Variants in LRP5 observed in about 807,000 individuals in gnomAD.
LRP5 encodes LDL receptor related protein 5, also known as low-density lipoprotein receptor-related protein 5.
A neutral mutation model predicts 154.1 loss-of-function variants in LRP5; 62 were observed. The observed-to-expected ratio is 0.40, with a 90% CI of 0.33 to 0.50. The LOEUF (loss-of-function observed/expected upper bound fraction) is 0.50, where lower values mean the gene tolerates loss of function less well. Ranked by LOEUF, LRP5 falls within the 20% of genes least tolerant of loss-of-function variation. The pLI is 0.55. For missense variants in LRP5, 1,915 were observed against 2,336.7 expected, an observed-to-expected ratio of 0.82 and a Z score of 3.72; for synonymous variants, 966 against 1,011.5, an observed-to-expected ratio of 0.96 and a Z score of 0.85.
intron 7 of LRP5, among the ~76,000 whole-genome samples, chr11:68,390,832 TCGTCCTGTGG>T (rs1369821624): frequency 7.3e-6 from 1 of 137,260 alleles, no homozygotes; most frequent in African/African-American, 2.8e-5. Context: ...TTCAGTGGCC[TCGTCCTGTGG>T]ACGCAGCCTC....
chr11:68,389,258 A>C (rs1281102040), intron 6 of LRP5, among the ~76,000 whole-genome samples: 1 of 33,184 alleles, frequency 3.0e-5, no homozygotes, highest in Non-Finnish European at 6.7e-5. Flanking sequence ...CAACACCGAC[A>C]TTTACCAACA....
intron 1 of LRP5, among the ~76,000 whole-genome samples, chr11:68,319,287 C>T (rs1358815799): frequency 6.6e-6 from 1 of 152,014 alleles, no homozygotes; most frequent in Non-Finnish European, 1.5e-5. Context: ...AGGCTGGTCT[C>T]GAACTCCTGA....
chr11:68,407,682 A>C (rs532351018), intron 9 of LRP5, among the ~76,000 whole-genome samples: 997 of 75,422 alleles, frequency 0.013, 6 homozygotes, highest in Non-Finnish European at 0.019. Context: ...CTCTACTAAA[A>C]ATACAAAAAA....
intron 2 of LRP5, among the ~76,000 whole-genome samples, chr11:68,350,580 T>C (rs1365050467): frequency 6.6e-6 from 1 of 152,244 alleles, no homozygotes; most frequent in African/African-American, 2.4e-5. Flanking sequence ...TGGTGCCGGC[T>C]GCAGGAGCCG....
chr11:68,320,854 G>A (rs2098596349), intron 1 of LRP5, among the ~76,000 whole-genome samples: 2 of 152,096 alleles, frequency 1.3e-5, no homozygotes, highest in South Asian at 4.1e-4. Flanking sequence ...CTGCTGGTCT[G>A]TAGCTAGTCC....
At chr11:68,329,701 G>A (rs1329265362) in intron 1 of LRP5, among the ~76,000 whole-genome samples, 4 of 152,228 alleles carry the variant, frequency 2.6e-5, no homozygotes, top group Middle Eastern at 3.4e-3. Context: ...TGACCCTGGG[G>A]GAGAGCTACT....
intron 1 of LRP5, among the ~76,000 whole-genome samples, chr11:68,345,986 TC>T (rs2098612592): frequency 6.6e-6 from 1 of 152,246 alleles, no homozygotes; most frequent in African/African-American, 2.4e-5. Context: ...AAATGTCTGT[TC>T]AAGTTGTTTG....
Position 68,406,589 on chromosome 11 carries a change from A to T in LRP5, c.1867A>T (p.Thr623Ser), listed in dbSNP as rs768712336. 2 of 1,614,094 alleles carry T rather than the reference A, an allele frequency of 1.2e-6. No individual in the cohort carries two copies. The highest frequency in any genetic ancestry group is 2.2e-5 in the South Asian group (2 of 91,082). The change falls in exon 9 of 23, where the codon ACC becomes TCC. Residue 623 changes from threonine to serine, a missense_variant. By Grantham distance (58) the Thr-to-Ser change is moderately conservative (BLOSUM62 1). Transcript: ENST00000294304. ...SHLCFFTPHA[T>S]RCGCPIGLEL... ...CCTGTGCTTCTTCACACCCCACGCA[A>T]CCCGGTGTGGCTGCCCCATCGGCCT... is the stretch of plus-strand genomic sequence containing the variant.
chr11:68,323,306 A>G (rs2098597805), intron 1 of LRP5, among the ~76,000 whole-genome samples: 1 of 151,508 alleles, frequency 6.6e-6, no homozygotes, highest in Non-Finnish European at 1.5e-5. Context: ...ATGGAGTTTC[A>G]CCATGTTGGC....
rs1161126346 is a variant in LRP5, at chr11:68,417,449, CTTTTTTTTTTTTTT to C, written c.3027+939_3027+952del. ...ACATCATTGCATTGGAACAGATTGG[CTTTTTTTTTTTTTT>C]TTTTTTTTTTTTTTTTGAGATGGAG... On this transcript the variant is annotated intron_variant, in intron 13 of 22. Coordinates refer to ENST00000294304, the MANE Select transcript of LRP5 (RefSeq NM_002335.4). Among the ~76,000 whole-genome samples, 15 of 41,604 alleles carry C rather than the reference CTTTTTTTTTTTTTT, an allele frequency of 3.6e-4. No individual in the cohort carries two copies. The East Asian group carries it at 7.8e-3, about 22-fold the overall frequency. 27.3% of individuals were successfully genotyped at this position (41,604 alleles called of 152,430 possible).
intron 5 of LRP5, among the ~76,000 whole-genome samples, chr11:68,373,382 T>C (rs545952935): frequency 7.0e-6 from 1 of 143,294 alleles, no homozygotes; most frequent in South Asian, 2.1e-4. Context: ...TAGGGATGCG[T>C]TGGTGGCGGG....
intron 20 of LRP5, 120 bp downstream of exon 20, chr11:68,438,802 A>G (rs892535946): frequency 1.5e-5 from 12 of 825,772 alleles, no homozygotes; most frequent in Non-Finnish European, 1.7e-5. Flanking sequence ...AGACATTGCT[A>G]ATCGATCACA....
chr11:68,437,118 C>A, intron 19 of LRP5, 119 bp downstream of exon 19: 1 of 830,244 alleles, frequency 1.2e-6, no homozygotes, highest in Non-Finnish European at 2.0e-6. Flanking sequence ...GAGACTCAGG[C>A]GGCTGGGAGG....
chr11:68,344,418 A>T (rs2098611010), intron 1 of LRP5, among the ~76,000 whole-genome samples: 1 of 152,080 alleles, frequency 6.6e-6, no homozygotes, highest in Non-Finnish European at 1.5e-5. Context: ...TCTCGGGTTC[A>T]AGTGATTCTC....
chr11:68,395,912 C>A (rs985016213), intron 7 of LRP5, among the ~76,000 whole-genome samples: 12 of 152,114 alleles, frequency 7.9e-5, no homozygotes, highest in African/African-American at 2.9e-4. Context: ...CTTCTCAGGT[C>A]CTTGCCCAGC....
intron 12 of LRP5, among the ~76,000 whole-genome samples, chr11:68,415,305 C>T (rs2098661930): frequency 6.6e-6 from 1 of 152,226 alleles, no homozygotes. Flanking sequence ...GGCTTGTTGA[C>T]TGTGCCCGGT....
chr11:68,348,363 C>T (rs988586601), intron 2 of LRP5, 120 bp downstream of exon 2: 43 of 1,345,884 alleles, frequency 3.2e-5, no homozygotes, highest in Middle Eastern at 2.4e-4. Flanking sequence ...AAAATGAACC[C>T]GTGGGGGGGT....
chr11:68,328,345 TAAAGA>T (rs1484118653), intron 1 of LRP5, among the ~76,000 whole-genome samples: 1 of 152,362 alleles, frequency 6.6e-6, no homozygotes, highest in African/African-American at 2.4e-5. Flanking sequence ...TTTCAACACT[TAAAGA>T]AAATAAAAGC....
At position 68,342,158 on chromosome 11, in the gene LRP5, T is replaced by C. The variant is rs964672138; in HGVS notation, c.92-5689T>C. 5.7e-4 allele frequency among the ~76,000 whole-genome samples: 87 copies of C among 151,936 alleles called. 1 individual carries two copies. Among genetic ancestry groups the C allele is most frequent in the Non-Finnish European group, 1.6e-4 (11 of 67,972 alleles). On this transcript the variant is annotated intron_variant, in intron 1 of 22. Transcript: ENST00000294304. ...CCAGGCTGGTCTTGAACTCCTGGCC[T>C]GAGATGATCCTCTCTCCTCGGAAAG...
Sources: gnomAD v4.1 joint callset for allele counts (sites outside exome capture counted in the v4.1 genomes callset) on GRCh38, gnomAD v4.1.1 for gene constraint, MANE v1.5 for transcripts, NCBI Gene and HGNC (gene_info 2026-07-23, HGNC 2026-07-21) for gene names.